Variants in SAMD5 observed in about 807,000 individuals in gnomAD.
SAMD5 encodes sterile alpha motif domain-containing protein 5.
In SAMD5, 13 loss-of-function variants were observed where a neutral mutation model predicts 11.3. The observed-to-expected ratio is 1.15, with a 90% CI of 0.75 to 1.83. The LOEUF (loss-of-function observed/expected upper bound fraction) is 1.83. SAMD5 is among the 40% of genes most tolerant of loss of function. The pLI, the probability that SAMD5 is intolerant of heterozygous loss-of-function variation, is 0.00. For missense variants in SAMD5, 255 were observed against 239.1 expected (o/e 1.07, Z -0.44); for synonymous variants, 129 against 111.3 (o/e 1.16, Z -1.00).
the SAMD5 span, among the ~76,000 whole-genome samples, chr6:147,881,304 G>A: frequency 6.6e-6 from 1 of 152,130 alleles, no homozygotes. Flanking sequence ...GGCTAACTTA[G>A]GCAACGAAGT....
the SAMD5 span, among the ~76,000 whole-genome samples, chr6:147,941,063 G>A: frequency 1.8e-4 from 28 of 152,070 alleles, no homozygotes; most frequent in Non-Finnish European, 3.2e-4. Context: ...TTTCTTGAAT[G>A]TTTACTGATT....
At chr6:147,839,461 A>T in the SAMD5 span, among the ~76,000 whole-genome samples, 2 of 152,172 alleles carry the variant, frequency 1.3e-5, no homozygotes, top group South Asian at 4.1e-4. Context: ...TAAAAAGTAA[A>T]ACTTGGGCCG....
the SAMD5 span, among the ~76,000 whole-genome samples, chr6:147,849,281 T>A: frequency 1.3e-5 from 2 of 151,844 alleles, no homozygotes; most frequent in East Asian, 3.9e-4. Flanking sequence ...AGAAAAAAAA[T>A]TCACAGGTAC....
At chr6:147,904,578 T>C in the SAMD5 span, among the ~76,000 whole-genome samples, 1 of 152,330 alleles carries the variant, frequency 6.6e-6, no homozygotes, top group African/African-American at 2.4e-5. Context: ...CTTATACTCA[T>C]GATTTCTCTT....
chr6:147,867,124 T>C, the SAMD5 span, among the ~76,000 whole-genome samples: 1 of 152,166 alleles, frequency 6.6e-6, no homozygotes, highest in Non-Finnish European at 1.5e-5. Context: ...ACACTGCTGT[T>C]GGCCTGATGA....
At chr6:147,648,634 C>G (rs1366578743) in intron 1 of SAMD5, among the ~76,000 whole-genome samples, 3 of 152,210 alleles carry the variant, frequency 2.0e-5, no homozygotes, top group Non-Finnish European at 4.4e-5. Flanking sequence ...GAGATATAAA[C>G]AGTAGTCTCA....
chr6:147,653,621 A>G lies in SAMD5; in HGVS notation c.163-83696A>G, dbSNP rs1016103580. 3.9e-5 allele frequency among the ~76,000 whole-genome samples: 6 copies of G among 152,202 alleles called. No homozygotes were observed. In the South Asian group the frequency reaches 8.3e-4, roughly 21 times the overall value. On this transcript the variant is annotated intron_variant, in intron 1 of 1. Coordinates refer to the SAMD5 transcript ENST00000566741. ...TTATTCAAATGCTCTGTGTGTATGA[A>G]ATTGTTCATCTAGAATTATTTATCT...
At chr6:147,735,681 C>A (rs1791789851) in intron 1 of SAMD5, among the ~76,000 whole-genome samples, 1 of 150,996 alleles carries the variant, frequency 6.6e-6, no homozygotes, top group South Asian at 2.1e-4. Flanking sequence ...TCAGTCTATT[C>A]TTTTCCATTC....
At chr6:147,620,975 T>TGTGTGTGC (rs1223238522) in intron 1 of SAMD5, among the ~76,000 whole-genome samples, 1 of 99,460 alleles carries the variant, frequency 1.0e-5, no homozygotes, top group African/African-American at 2.9e-5. Flanking sequence ...TGTGTGTGTG[T>TGTGTGTGC]GTGTGTGTGT....
the SAMD5 span, among the ~76,000 whole-genome samples, chr6:147,786,906 T>C: frequency 1.3e-5 from 2 of 152,348 alleles, no homozygotes; most frequent in Middle Eastern, 3.4e-3. Flanking sequence ...TGCAGTCACA[T>C]TGACTTCTTA....
chr6:147,637,648 A>T (rs1790250290), intron 1 of SAMD5, among the ~76,000 whole-genome samples: 1 of 152,194 alleles, frequency 6.6e-6, no homozygotes, highest in Non-Finnish European at 1.5e-5. Flanking sequence ...GAGAAAGGAA[A>T]AAGAAACCGT....
chr6:147,701,915 T>C (rs948748464), intron 1 of SAMD5, among the ~76,000 whole-genome samples: 6 of 152,146 alleles, frequency 3.9e-5, no homozygotes, highest in African/African-American at 1.2e-4. Context: ...CTTAGATATG[T>C]TTATATGTTT....
chr6:147,875,879 A>G, the SAMD5 span, among the ~76,000 whole-genome samples: 2 of 152,190 alleles, frequency 1.3e-5, no homozygotes, highest in African/African-American at 4.8e-5. Context: ...CTACATTACA[A>G]TGAGTTGTAT....
intron 1 of SAMD5, among the ~76,000 whole-genome samples, chr6:147,725,982 C>G (rs1181134437): frequency 6.6e-6 from 1 of 152,190 alleles, no homozygotes; most frequent in Non-Finnish European, 1.5e-5. Flanking sequence ...CACCATTAAC[C>G]CATTGAGCAG....
At chr6:147,797,511 A>T in the SAMD5 span, among the ~76,000 whole-genome samples, 54 of 67,852 alleles carry the variant, frequency 8.0e-4, 12 homozygotes, top group Non-Finnish European at 1.1e-3. Flanking sequence ...TTCATCAAGG[A>T]TATTGGTCTA....
the SAMD5 span, among the ~76,000 whole-genome samples, chr6:147,793,183 A>G: frequency 6.6e-6 from 1 of 152,178 alleles, no homozygotes; most frequent in South Asian, 2.1e-4. Context: ...CAGCAAGTAC[A>G]GTTGACAAGA....
intron 1 of SAMD5, among the ~76,000 whole-genome samples, chr6:147,550,109 G>T (rs932846669): frequency 6.6e-6 from 1 of 151,936 alleles, no homozygotes. Context: ...GATGGGCATG[G>T]TGGCCCACTT....
the SAMD5 span, among the ~76,000 whole-genome samples, chr6:147,931,961 G>A: frequency 1.3e-5 from 2 of 152,098 alleles, no homozygotes; most frequent in Admixed American, 1.3e-4. Context: ...CTTTGCCTGA[G>A]TTCTAAATGT....
the SAMD5 span, among the ~76,000 whole-genome samples, chr6:147,881,178 A>T: frequency 6.6e-6 from 1 of 152,174 alleles, no homozygotes; most frequent in Admixed American, 6.5e-5. Flanking sequence ...TTCAGAAATG[A>T]CAGCTCTGTA....
Sources: gnomAD v4.1 joint callset for allele counts (sites outside exome capture counted in the v4.1 genomes callset) on GRCh38, gnomAD v4.1.1 for gene constraint, MANE v1.5 for transcripts, NCBI Gene and HGNC (gene_info 2026-07-23, HGNC 2026-07-21) for gene names.